KDM4A: variants seen among roughly 807,000 people sequenced by gnomAD.
KDM4A encodes lysine-specific demethylase 4A.
A neutral mutation model predicts 127.1 loss-of-function variants in KDM4A; 23 were observed. That is an observed-to-expected ratio of 0.18 (90% CI 0.13 to 0.26). The LOEUF is 0.26. Among genes scored for constraint, KDM4A ranks in the 10% least tolerant of loss-of-function variants. The pLI is 1.00. For missense variants in KDM4A, 890 were observed against 1,329.1 expected (o/e 0.67, Z 5.14); for synonymous variants, 443 against 466.5 (o/e 0.95, Z 0.65).
chr1:43,692,103 G>A (rs1287017664), intron 15 of KDM4A, among the ~76,000 whole-genome samples, 153 bp from the exon 16 acceptor site: 3 of 152,236 alleles, frequency 2.0e-5, no homozygotes, highest in East Asian at 1.9e-4. Context: ...CTGACAGGGC[G>A]TCCTGGTGCA....
intron 11 of KDM4A, among the ~76,000 whole-genome samples, chr1:43,674,981 C>G (rs1660708282): frequency 2.0e-5 from 3 of 152,298 alleles, no homozygotes; most frequent in South Asian, 4.1e-4. Flanking sequence ...AAAGCCAGGA[C>G]TCCTTCCGTG....
At chr1:43,698,118 T>C (rs547746632) in intron 19 of KDM4A, 105 bp downstream of exon 19, 93 of 1,072,942 alleles carry the variant, frequency 8.7e-5, no homozygotes, top group South Asian at 1.4e-4. Context: ...GCCAGGTCCC[T>C]GGTCCCATCA....
At position 43,704,391 on chromosome 1, in the gene KDM4A, A is replaced by C. The variant is rs574419445; in HGVS notation, c.*21A>C. 7 of 1,606,834 alleles carry C rather than the reference A, an allele frequency of 4.4e-6. No individual in the cohort carries two copies. In the Admixed American group the frequency reaches 6.8e-5, roughly 16 times the overall value. ...AGTAGGTGCTTCCAGGGTCCAAGGG[A>C]TTCTCAGCCATCCAGGCAAGAGCAC... On this transcript the variant is annotated 3_prime_UTR_variant, in exon 22 of 22. Coordinates refer to ENST00000372396, the MANE Select transcript of KDM4A (RefSeq NM_014663.3).
At chr1:43,662,726 G>A (rs573571079) in intron 4 of KDM4A, among the ~76,000 whole-genome samples, 168 bp from the exon 5 acceptor site, 2 of 152,362 alleles carry the variant, frequency 1.3e-5, no homozygotes, top group Admixed American at 6.5e-5. Context: ...AGTGGTAGCC[G>A]TGAAAGTCAA....
chr1:43,697,735 T>A, intron 18 of KDM4A, 108 bp from the exon 19 acceptor site: 2 of 1,092,294 alleles, frequency 1.8e-6, no homozygotes, highest in Non-Finnish European at 2.6e-6. Flanking sequence ...ACTTTTACTT[T>A]CCCATGCTTA....
At chr1:43,665,138 C>T (rs1418947734) in intron 5 of KDM4A, among the ~76,000 whole-genome samples, 1 of 152,096 alleles carries the variant, frequency 6.6e-6, no homozygotes, top group Non-Finnish European at 1.5e-5. Context: ...TGTTTAGACA[C>T]CCTACTGGGT....
At chr1:43,652,352 C>G (rs1660132503) in intron 1 of KDM4A, among the ~76,000 whole-genome samples, 1 of 151,866 alleles carries the variant, frequency 6.6e-6, no homozygotes. Context: ...TTAGCTGAAA[C>G]AATTTTCTTT....
At chr1:43,686,303 T>C (rs1660977598) in intron 12 of KDM4A, among the ~76,000 whole-genome samples, 1 of 149,464 alleles carries the variant, frequency 6.7e-6, no homozygotes, top group Non-Finnish European at 1.5e-5. Context: ...CCCAAAGTGC[T>C]GGGATTACAG....
intron 11 of KDM4A, 123 bp downstream of exon 11, chr1:43,671,998 A>T: frequency 2.6e-6 from 3 of 1,168,454 alleles, no homozygotes; most frequent in Non-Finnish European, 3.4e-6. Flanking sequence ...AGGGCAGGAG[A>T]GACCCTCAGT....
chr1:43,674,434 T>G (rs1303339702), intron 11 of KDM4A, among the ~76,000 whole-genome samples: 7 of 152,124 alleles, frequency 4.6e-5, no homozygotes, highest in Non-Finnish European at 1.0e-4. Flanking sequence ...GTCAGGCATA[T>G]GGAGCTCAGA....
chr1:43,671,005 C>G (rs928653330), intron 10 of KDM4A, among the ~76,000 whole-genome samples: 8 of 152,186 alleles, frequency 5.3e-5, no homozygotes, highest in Non-Finnish European at 1.0e-4. Context: ...GCTCCTGGTC[C>G]AACATGATTT....
chr1:43,670,253 T>C (rs1204164139), intron 10 of KDM4A, among the ~76,000 whole-genome samples: 5 of 152,182 alleles, frequency 3.3e-5, no homozygotes, highest in Non-Finnish European at 7.3e-5. Flanking sequence ...GACCCAAAGA[T>C]GTGGTCTGCC....
Position 43,653,264 on chromosome 1 carries a change from A to G in KDM4A, c.89A>G (p.Tyr30Cys). Residue 30 changes from tyrosine (Y) to cysteine (C), a missense_variant, in exon 2 of 22, where the codon TAC becomes TGC. Tyr to Cys is a radical substitution (Grantham distance 194). Coordinates refer to ENST00000372396, the MANE Select transcript of KDM4A (RefSeq NM_014663.3). ...TMEEFRNFSRYIAYIESQGAH... is the reference protein window; with the variant it reads ...TMEEFRNFSRCIAYIESQGAH... ...GAAGAGTTCCGAAACTTCAGTAGAT[A>G]CATTGCCTACATTGAATCCCAAGGA... is the stretch of plus-strand genomic sequence containing the variant. 6.2e-7 allele frequency: 1 copy of G among 1,613,816 alleles called. No individual in the cohort carries two copies. The highest frequency in any genetic ancestry group is 8.5e-7 in the Non-Finnish European group (1 of 1,179,820).
chr1:43,660,313 C>G lies in KDM4A; in HGVS notation c.330C>G (p.Arg110=), dbSNP rs1660342996. ...TTTCAAAAAGGTACTGTACCCCACG[C>G]TATAGTGAGTTTGAAGAGCTCGAGC... The part of the protein sequence containing the change: ...IANSDKYCTP[R]YSEFEELERK... The change falls in exon 4 of 22, where the codon CGC becomes CGG. Residue 110 remains arginine, a synonymous_variant. Transcript: ENST00000372396. 3 of 1,614,028 alleles carry G rather than the reference C, an allele frequency of 1.9e-6. No individual in the cohort carries two copies. The highest frequency in any genetic ancestry group is 2.5e-6 in the Non-Finnish European group (3 of 1,179,978).
rs887192217 is a variant in KDM4A at position 43,672,984 on chromosome 1, T to C, written c.1734+1109T>C. On this transcript the variant is annotated intron_variant, in intron 11 of 21. Transcript: ENST00000372396. ...TGCCCTGTAGACTCCCAGTATGACATTGATAGAGCATCCTTTTGGAGACCA... is the reference window on the plus strand; with the variant it reads ...TGCCCTGTAGACTCCCAGTATGACACTGATAGAGCATCCTTTTGGAGACCA... Among the ~76,000 whole-genome samples, 6 of 152,220 alleles carry C rather than the reference T, an allele frequency of 3.9e-5. 1 individual carries two copies. The highest frequency in any genetic ancestry group is 2.1e-4 in the South Asian group (1 of 4,828).
chr1:43,685,399 C>T (rs1173210099), intron 12 of KDM4A, among the ~76,000 whole-genome samples: 1 of 151,958 alleles, frequency 6.6e-6, no homozygotes, highest in Admixed American at 6.6e-5. Flanking sequence ...TAACATCAGG[C>T]CCTGTCCTAC....
At chr1:43,655,427 G>A (rs1370459932) in intron 2 of KDM4A, among the ~76,000 whole-genome samples, 164 bp from the exon 3 acceptor site, 1 of 152,206 alleles carries the variant, frequency 6.6e-6, no homozygotes, top group African/African-American at 2.4e-5. Flanking sequence ...AGTGGATCAG[G>A]GTTAGCATGC....
intron 5 of KDM4A, among the ~76,000 whole-genome samples, chr1:43,665,313 C>A (rs944012519): frequency 2.0e-5 from 3 of 152,000 alleles, no homozygotes; most frequent in Admixed American, 2.0e-4. Context: ...GCCTTTCAAG[C>A]ATTTAAAAAT....
chr1:43,657,939 T>A (rs1660285932), intron 3 of KDM4A, among the ~76,000 whole-genome samples: 2 of 151,728 alleles, frequency 1.3e-5, no homozygotes, highest in South Asian at 4.1e-4. Context: ...GAGATGGGGT[T>A]TCACCATATT....
Sources: allele counts gnomAD v4.1 joint callset (sites outside exome capture counted in the v4.1 genomes callset), GRCh38; gene constraint gnomAD v4.1.1; transcripts MANE v1.5; gene names NCBI Gene and HGNC (gene_info 2026-07-23, HGNC 2026-07-21).